The following TRIM44 variants were observed in gnomAD, a reference collection of about 807,000 sequenced individuals.
TRIM44 encodes tripartite motif containing 44.
TRIM44 carries 13 observed loss-of-function variants against 37.4 expected under a neutral mutation model. That is an observed-to-expected ratio of 0.35 (90% CI 0.23 to 0.55). TRIM44 has a LOEUF of 0.55. Among genes scored for constraint, TRIM44 ranks in the 20% least tolerant of loss-of-function variants. The probability of loss-of-function intolerance (pLI) is 0.89; values close to 1 mark genes in which losing one functional copy is unlikely to be tolerated. For missense variants in TRIM44, 426 were observed against 437.2 expected (o/e 0.97, Z 0.23); for synonymous variants, 175 against 157.2 (o/e 1.11, Z -0.85).
At chr11:35,668,003 T>A (rs953971445) in intron 1 of TRIM44, among the ~76,000 whole-genome samples, 2 of 152,228 alleles carry the variant, frequency 1.3e-5, no homozygotes, top group Non-Finnish European at 2.9e-5. Context: ...TCTTATATAT[T>A]CTTTCTCTCT....
chr11:35,756,805 C>T (rs1257120908), intron 4 of TRIM44, among the ~76,000 whole-genome samples: 1 of 152,138 alleles, frequency 6.6e-6, no homozygotes, highest in Admixed American at 6.5e-5. Context: ...TGCTGGATTA[C>T]GTTTATTGAT....
intron 3 of TRIM44, among the ~76,000 whole-genome samples, chr11:35,727,170 A>C (rs181845191): frequency 6.6e-6 from 1 of 152,216 alleles, no homozygotes; most frequent in Non-Finnish European, 1.5e-5. Flanking sequence ...AAAAAAAAAA[A>C]AACCAAAAAA....
At chr11:35,670,917 T>A (rs777120094) in intron 1 of TRIM44, among the ~76,000 whole-genome samples, 7 of 152,258 alleles carry the variant, frequency 4.6e-5, no homozygotes, top group Non-Finnish European at 1.0e-4. Context: ...GATAAAGATA[T>A]GAGCTTGATG....
At chr11:35,768,367 A>G (rs1407312820) in intron 4 of TRIM44, among the ~76,000 whole-genome samples, 2 of 152,162 alleles carry the variant, frequency 1.3e-5, no homozygotes, top group Non-Finnish European at 2.9e-5. Flanking sequence ...AATTTGTTGA[A>G]GGTCACACAG....
At chr11:35,719,161 C>T (rs1852072041) in intron 2 of TRIM44, among the ~76,000 whole-genome samples, 1 of 152,158 alleles carries the variant, frequency 6.6e-6, no homozygotes. Context: ...AACTGCCAAA[C>T]TGTCTTCCAA....
At chr11:35,706,712 A>G (rs1851888862) in intron 2 of TRIM44, among the ~76,000 whole-genome samples, 1 of 151,118 alleles carries the variant, frequency 6.6e-6, no homozygotes, top group South Asian at 2.1e-4. Flanking sequence ...AAATTCAACA[A>G]CCCTTCATGC....
intron 1 of TRIM44, 149 bp from the exon 2 acceptor site, chr11:35,685,110 A>G (rs1851559162): frequency 1.6e-6 from 1 of 622,674 alleles, no homozygotes; most frequent in Non-Finnish European, 2.9e-6. Flanking sequence ...GAGAAGGGAA[A>G]GAGGGGCAAT....
At chr11:35,666,342 T>G (rs1851332088) in intron 1 of TRIM44, among the ~76,000 whole-genome samples, 1 of 152,348 alleles carries the variant, frequency 6.6e-6, no homozygotes, top group South Asian at 2.1e-4. Context: ...TCCTTCCATC[T>G]TGTCCTACAA....
intron 4 of TRIM44, among the ~76,000 whole-genome samples, chr11:35,763,834 C>A (rs973469406): frequency 6.6e-6 from 1 of 152,218 alleles, no homozygotes; most frequent in Non-Finnish European, 1.5e-5. Context: ...TATTCTTCAT[C>A]TCCAAGGTGG....
At position 35,685,298 on chromosome 11, in the gene TRIM44, T is replaced by C. The variant is rs767212429; in HGVS notation, c.709T>C (p.Leu237=). 9 of 1,614,220 alleles carry C rather than the reference T, an allele frequency of 5.6e-6. No homozygotes were observed. The highest frequency in any genetic ancestry group is 7.6e-6 in the Non-Finnish European group (9 of 1,180,030). ...SGGLKAAMIE[L]VERLKFKSSD... is the part of the protein sequence containing the mutation. ...TGGACTGAAGGCCGCTATGATCGAA[T>C]TGGTGGAAAGGTTGAAGTTCAAGAG... is the stretch of plus-strand genomic sequence containing the variant. The change falls in exon 2 of 5, where the codon TTG becomes CTG. Residue 237 remains leucine, a synonymous_variant. Transcript: ENST00000299413.
chr11:35,726,237 T>C (rs1852173761), intron 3 of TRIM44, 74 bp downstream of exon 3: 2 of 1,566,954 alleles, frequency 1.3e-6, no homozygotes, highest in Non-Finnish European at 1.7e-6. Flanking sequence ...TTAGACCCCA[T>C]GTGGTCCCTG....
chr11:35,797,782 A>AAACTT (rs1174042176), intron 4 of TRIM44, among the ~76,000 whole-genome samples: 1 of 152,200 alleles, frequency 6.6e-6, no homozygotes, highest in East Asian at 1.9e-4. Context: ...GAGCCTATGG[A>AAACTT]AACTTAATGA....
intron 4 of TRIM44, among the ~76,000 whole-genome samples, chr11:35,797,886 A>G (rs1300876230): frequency 6.6e-6 from 1 of 152,204 alleles, no homozygotes; most frequent in African/African-American, 2.4e-5. Context: ...GTATGAAGGT[A>G]TCAGTATTGG....
rs1437129619 is a variant in TRIM44 at position 35,811,261 on chromosome 11, A to ATAAGT, written c.*4878_*4882dup. Reference sequence around the variant, plus strand: ...GACTTAAGATCATTATTATTTAGTGATAAGTTTTCTCCTCAAAGTAAAATG... The same window carrying ATAAGT: ...GACTTAAGATCATTATTATTTAGTGATAAGTTAAGTTTTCTCCTCAAAGTAAAATG... On this transcript the variant is annotated 3_prime_UTR_variant, in exon 5 of 5. Coordinates refer to ENST00000299413, the MANE Select transcript of TRIM44 (RefSeq NM_017583.6). 6.6e-6 allele frequency: 1 copy of ATAAGT among 152,154 alleles called. No individual in the cohort carries two copies. The highest frequency in any genetic ancestry group is 1.5e-5 in the Non-Finnish European group (1 of 68,026). The allele number at this position is 152,154 out of a possible 1,614,324, so 9.4% of individuals were successfully genotyped here.
At chr11:35,696,598 C>T (rs1851701781) in intron 2 of TRIM44, among the ~76,000 whole-genome samples, 1 of 151,600 alleles carries the variant, frequency 6.6e-6, no homozygotes, top group Admixed American at 6.6e-5. Context: ...CCTCTAATCC[C>T]AGCACTTTGG....
chr11:35,731,238 C>T (rs981762471), intron 3 of TRIM44, among the ~76,000 whole-genome samples: 2 of 152,100 alleles, frequency 1.3e-5, no homozygotes, highest in African/African-American at 4.8e-5. Flanking sequence ...TGCCTTTTAT[C>T]AGATTCAGGA....
At chr11:35,688,406 A>G (rs1010401508) in intron 2 of TRIM44, among the ~76,000 whole-genome samples, 6 of 152,200 alleles carry the variant, frequency 3.9e-5, no homozygotes, top group African/African-American at 1.4e-4. Flanking sequence ...AAAATAATAC[A>G]TACTTATAGA....
Position 35,808,606 on chromosome 11 carries a change from A to T in TRIM44, c.*2221A>T, listed in dbSNP as rs1156520818. ...AATGGAAATATAAAAATATTTGCCA[A>T]CCTGTCTCAGTAACTTATCATATCT... On this transcript the variant is annotated 3_prime_UTR_variant, in exon 5 of 5. Transcript: ENST00000299413. 2 of 152,198 alleles carry T rather than the reference A, an allele frequency of 1.3e-5. No individual in the cohort carries two copies. Among genetic ancestry groups the T allele is most frequent in the African/African-American group, 4.8e-5 (2 of 41,456 alleles). The allele number at this position is 152,198 out of a possible 1,614,324, so 9.4% of individuals were successfully genotyped here.
intron 2 of TRIM44, among the ~76,000 whole-genome samples, chr11:35,702,551 T>C (rs1198554367): frequency 1.3e-5 from 2 of 152,180 alleles, no homozygotes; most frequent in Non-Finnish European, 2.9e-5. Flanking sequence ...CAGCAAATCC[T>C]GTGAAGTGAT....
Sources: gnomAD v4.1 joint callset for allele counts (sites outside exome capture counted in the v4.1 genomes callset) on GRCh38, gnomAD v4.1.1 for gene constraint, MANE v1.5 for transcripts, NCBI Gene and HGNC (gene_info 2026-07-23, HGNC 2026-07-21) for gene names.